The following RAPGEF5 variants were observed in gnomAD, a reference collection of about 807,000 sequenced individuals.
RAPGEF5 encodes the protein M-Ras-regulated GEF.
A neutral mutation model predicts 125.2 loss-of-function variants in RAPGEF5; 65 were observed. That is an observed-to-expected ratio of 0.52 (90% confidence interval 0.43 to 0.64). The LOEUF is 0.64. RAPGEF5 is among the 30% of genes least tolerant of loss of function. RAPGEF5 has a pLI of 0.00. For synonymous variants in RAPGEF5, 391 were observed against 385.9 expected (o/e 1.01, Z -0.16); for missense variants, 958 against 1,048.1 (o/e 0.91, Z 1.19).
intron 7 of RAPGEF5, among the ~76,000 whole-genome samples, chr7:22,236,224 T>C (rs986252003): frequency 1.3e-5 from 2 of 152,208 alleles, no homozygotes; most frequent in Non-Finnish European, 2.9e-5. Context: ...TCTCTTTGCC[T>C]CTTTCCTTGG....
At chr7:22,338,225 G>C (rs936415575) in intron 1 of RAPGEF5, among the ~76,000 whole-genome samples, 1 of 152,190 alleles carries the variant, frequency 6.6e-6, no homozygotes, top group Non-Finnish European at 1.5e-5. Flanking sequence ...TAGTTTACCT[G>C]TTACGCAGCA....
intron 1 of RAPGEF5, among the ~76,000 whole-genome samples, chr7:22,352,316 G>T (rs923590552): frequency 6.6e-6 from 1 of 151,478 alleles, no homozygotes; most frequent in Non-Finnish European, 1.5e-5. Flanking sequence ...GACTTAAAAA[G>T]ATACAAAAAA....
chr7:22,194,759 AAC>A, intron 9 of RAPGEF5: 2 of 985,420 alleles, frequency 2.0e-6, no homozygotes, highest in South Asian at 4.7e-5. Context: ...GAGATGGCTG[AAC>A]ACACAGATTC....
At chr7:22,354,140 C>T (rs891555637) in intron 1 of RAPGEF5, among the ~76,000 whole-genome samples, 8 of 152,146 alleles carry the variant, frequency 5.3e-5, no homozygotes, top group African/African-American at 1.9e-4. Flanking sequence ...CAACACAACC[C>T]ACAAAGAACT....
intron 8 of RAPGEF5, among the ~76,000 whole-genome samples, chr7:22,221,082 T>G (rs971966334): frequency 2.0e-5 from 3 of 152,206 alleles, no homozygotes; most frequent in African/African-American, 7.2e-5. Flanking sequence ...ATCTAGCAGT[T>G]TGTCGAACTA....
chr7:22,220,488 T>G (rs1363856337), intron 8 of RAPGEF5, among the ~76,000 whole-genome samples: 1 of 152,152 alleles, frequency 6.6e-6, no homozygotes, highest in East Asian at 1.9e-4. Flanking sequence ...GATCACAAGA[T>G]AATTTTTTTC....
At chr7:22,298,977 G>A (rs1783132049) in intron 5 of RAPGEF5, among the ~76,000 whole-genome samples, 2 of 137,080 alleles carry the variant, frequency 1.5e-5, no homozygotes, top group African/African-American at 5.4e-5. Context: ...TTGGCAATTT[G>A]TCTTTTTGTT....
At chr7:22,327,811 T>C (rs11772379) in intron 1 of RAPGEF5, among the ~76,000 whole-genome samples, 10,009 of 152,290 alleles carry the variant, frequency 0.066, 450 homozygotes, top group South Asian at 0.16. Flanking sequence ...CCTAAAGAGC[T>C]TATTTAAAAG....
rs149706828 is a variant in RAPGEF5 at position 22,226,164 on chromosome 7, A to T, written c.870+4682T>A. 1.9e-3 allele frequency among the ~76,000 whole-genome samples: 283 copies of T among 152,350 alleles called. 1 individual carries two copies. Among genetic ancestry groups the T allele is most frequent in the African/African-American group, 6.4e-3 (268 of 41,596 alleles). On this transcript the variant is annotated intron_variant, in intron 8 of 25. Transcript: ENST00000665637. ...AAAAATTGCTTATCAAGGTCAGGGAAACCAGAAAGAAAGAGTCCACCTTTC... is the reference window on the plus strand; with the variant it reads ...AAAAATTGCTTATCAAGGTCAGGGATACCAGAAAGAAAGAGTCCACCTTTC...
intron 6 of RAPGEF5, among the ~76,000 whole-genome samples, chr7:22,284,093 G>GCA (rs2128145504): frequency 1.3e-5 from 2 of 150,428 alleles, no homozygotes; most frequent in South Asian, 4.2e-4. Flanking sequence ...GTGTGTGCGC[G>GCA]TGCATGTGGC....
At position 22,136,183 on chromosome 7, in the gene RAPGEF5, T is replaced by G; in HGVS notation, c.2329-58A>C. The G allele has an allele frequency of 2.3e-6, 3 of 1,277,786 alleles. No individual in the cohort carries two copies. The South Asian group carries it at 3.9e-5, about 17-fold the overall frequency. 79.2% of individuals were successfully genotyped at this position (1,277,786 alleles called of 1,614,324 possible). A position where few individuals can be genotyped will look rare whatever the true frequency, so the allele number is the denominator to read the frequency against. Reference sequence around the variant, plus strand: ...AAAATCAATGTGCTATAGAAACAATTCTAAATCCACCTTTGCTACACAATT... The same window carrying G: ...AAAATCAATGTGCTATAGAAACAATGCTAAATCCACCTTTGCTACACAATT... On this transcript the variant is annotated intron_variant, in intron 22 of 25. Transcript: ENST00000665637.
chr7:22,171,808 G>T (rs1423762639), intron 11 of RAPGEF5, among the ~76,000 whole-genome samples: 1 of 152,052 alleles, frequency 6.6e-6, no homozygotes, highest in Non-Finnish European at 1.5e-5. Flanking sequence ...CATTTTCTTT[G>T]ATATTCTATG....
At position 22,219,950 on chromosome 7, in the gene RAPGEF5, T is replaced by C; in HGVS notation, c.912A>G (p.Gly304=). The C allele has an allele frequency of 6.2e-7, 1 of 1,613,604 alleles. No individual in the cohort carries two copies. The highest frequency in any genetic ancestry group is 8.5e-7 in the Non-Finnish European group (1 of 1,179,686). The change falls in exon 9 of 26, where the codon GGA becomes GGG. Residue 304 remains glycine (G), a synonymous_variant. Coordinates refer to ENST00000665637, the MANE Select transcript of RAPGEF5 (RefSeq NM_012294.5). ...CCAGCTTCTGGACTAGTTCAATTCG[T>C]CCGATTTCATCTCTTTCCTGGAGCT... ...MCKLQERDEI[G]RIELVQKLAK...
intron 8 of RAPGEF5, among the ~76,000 whole-genome samples, chr7:22,227,188 T>G (rs1399492458): frequency 6.6e-6 from 1 of 151,854 alleles, no homozygotes; most frequent in Non-Finnish European, 1.5e-5. Flanking sequence ...GTATACATTC[T>G]TGACCACACT....
chr7:22,120,126 T>C lies in RAPGEF5; in HGVS notation c.*2280A>G, dbSNP rs970329202. The C allele has an allele frequency of 2.0e-5, 3 of 152,190 alleles. No individual in the cohort carries two copies. The highest frequency in any genetic ancestry group is 7.2e-5 in the African/African-American group (3 of 41,428). 9.4% of individuals were successfully genotyped at this position (152,190 alleles called of 1,614,324 possible). ...AAGACAAGGATGGAAAAGCAAATCT[T>C]GACTGCACAAAATCCTCCCTTCCCT... On this transcript the variant is annotated 3_prime_UTR_variant, in exon 26 of 26. Coordinates refer to ENST00000665637, the MANE Select transcript of RAPGEF5 (RefSeq NM_012294.5). This position sits in a 1 kb window ranked among gnomAD's most constrained non-coding sequence, Gnocchi z 4.0.
intron 19 of RAPGEF5, among the ~76,000 whole-genome samples, chr7:22,146,080 A>G (rs1484476159): frequency 6.6e-6 from 1 of 152,094 alleles, no homozygotes; most frequent in African/African-American, 2.4e-5. Context: ...GACACAAGTC[A>G]TTTAGTCTGA....
rs757860893 is a variant in RAPGEF5, at chr7:22,167,078, C to G, written c.1275G>C (p.Leu425=). The G allele has an allele frequency of 7.4e-6, 12 of 1,611,140 alleles. No individual in the cohort carries two copies. The highest frequency in any genetic ancestry group is 5.0e-5 in the Admixed American group (3 of 59,894). ...FMTTDDLCQA[L]LRHYSAKKYQ... Reference sequence around the variant, plus strand: ...AAGATAATGAAGGATATTGCCTTAACAGAGCCTGGCACAAGTCATCAGTTG... The same window carrying G: ...AAGATAATGAAGGATATTGCCTTAAGAGAGCCTGGCACAAGTCATCAGTTG... Residue 425 remains leucine (L), a synonymous_variant, in exon 12 of 26, where the codon CTG becomes CTC. Coordinates refer to ENST00000665637, the MANE Select transcript of RAPGEF5 (RefSeq NM_012294.5).
intron 5 of RAPGEF5, among the ~76,000 whole-genome samples, chr7:22,307,132 T>C (rs1373665781): frequency 6.6e-6 from 1 of 152,174 alleles, no homozygotes; most frequent in Admixed American, 6.5e-5. Context: ...AATCTGTAGA[T>C]TGCTTTGGGT....
chr7:22,161,040 C>A (rs1271120279), intron 13 of RAPGEF5, among the ~76,000 whole-genome samples: 1 of 146,030 alleles, frequency 6.8e-6, no homozygotes, highest in Non-Finnish European at 1.5e-5. Context: ...ACTAAAAATA[C>A]AAAAAAAAAA....
Sources: gnomAD v4.1 joint callset for allele counts (sites outside exome capture counted in the v4.1 genomes callset) on GRCh38, gnomAD v4.1.1 for gene constraint, Gnocchi (gnomAD v3.1) non-coding constraint, MANE v1.5 for transcripts, NCBI Gene and HGNC (gene_info 2026-07-23, HGNC 2026-07-21) for gene names.